Variants in ASPRV1 observed in about 807,000 individuals in gnomAD.
ASPRV1 encodes aspartic peptidase retroviral like 1.
ASPRV1 carries 7 observed loss-of-function variants against 11.0 expected under a neutral mutation model. That is an observed-to-expected ratio of 0.64 (90% CI 0.36 to 1.20). The LOEUF (loss-of-function observed/expected upper bound fraction) is 1.20. Among genes scored for constraint, ASPRV1 ranks in the 50% most tolerant of loss-of-function variants. The pLI is 0.02. For missense variants in ASPRV1, 299 were observed against 320.0 expected, an observed-to-expected ratio of 0.93 and a Z score of 0.50; for synonymous variants, 136 against 138.4, an observed-to-expected ratio of 0.98 and a Z score of 0.12.
the ASPRV1 span, among the ~76,000 whole-genome samples, chr2:70,055,461 A>G: frequency 6.6e-6 from 1 of 152,196 alleles, no homozygotes; most frequent in Non-Finnish European, 1.5e-5. Flanking sequence ...CATAAAAAGC[A>G]ATGAGATCAT....
At chr2:70,074,153 A>C in the ASPRV1 span, among the ~76,000 whole-genome samples, 2 of 150,228 alleles carry the variant, frequency 1.3e-5, no homozygotes, top group Non-Finnish European at 3.0e-5. Flanking sequence ...AAAAAAAAAA[A>C]AAAAAAACAG....
the ASPRV1 span, among the ~76,000 whole-genome samples, chr2:69,952,505 G>C: frequency 7.8e-6 from 1 of 127,776 alleles, no homozygotes; most frequent in African/African-American, 3.0e-5. Flanking sequence ...GATCCTGTAA[G>C]AAAAGAAAAA....
the ASPRV1 span, among the ~76,000 whole-genome samples, chr2:69,981,675 G>GCCT: frequency 1.3e-5 from 2 of 152,298 alleles, no homozygotes; most frequent in South Asian, 2.1e-4. Context: ...TCCTGCCTCA[G>GCCT]CCTCCTGGGT....
the ASPRV1 span, among the ~76,000 whole-genome samples, chr2:69,966,772 A>G: frequency 1.3e-5 from 2 of 152,342 alleles, no homozygotes; most frequent in Admixed American, 1.3e-4. Flanking sequence ...GATAACTAGT[A>G]TTGTGAGCAA....
chr2:70,000,867 T>C, the ASPRV1 span, among the ~76,000 whole-genome samples: 1 of 136,898 alleles, frequency 7.3e-6, no homozygotes, highest in South Asian at 2.5e-4. Flanking sequence ...AGATAATTCA[T>C]CAGAAAGAAT....
the ASPRV1 span, chr2:70,086,439 C>T: frequency 2.0e-5 from 3 of 152,276 alleles, no homozygotes; most frequent in Admixed American, 6.5e-5. Flanking sequence ...ACTCATAGGC[C>T]AGCGTCTTGA....
the ASPRV1 span, among the ~76,000 whole-genome samples, chr2:70,025,328 CAGG>C: frequency 1.6e-4 from 25 of 152,048 alleles, no homozygotes; most frequent in Non-Finnish European, 3.4e-4. Flanking sequence ...GAGGCTGAGG[CAGG>C]AGAACCACTT....
the ASPRV1 span, among the ~76,000 whole-genome samples, chr2:70,029,435 T>C: frequency 6.6e-6 from 1 of 151,924 alleles, no homozygotes; most frequent in Non-Finnish European, 1.5e-5. Flanking sequence ...GCTCAGGAGA[T>C]TGAGACCATT....
the ASPRV1 span, among the ~76,000 whole-genome samples, chr2:70,001,398 G>A: frequency 1.3e-5 from 2 of 152,120 alleles, no homozygotes; most frequent in East Asian, 1.9e-4. Flanking sequence ...ATGTGGTGGT[G>A]CATGCCTGTA....
chr2:70,056,747 T>C, the ASPRV1 span: 1 of 152,096 alleles, frequency 6.6e-6, no homozygotes, highest in Non-Finnish European at 1.5e-5. Context: ...TTGTTTTGTT[T>C]AGACAGAGTC....
the ASPRV1 span, among the ~76,000 whole-genome samples, chr2:70,064,944 C>T: frequency 1.3e-5 from 2 of 151,662 alleles, no homozygotes; most frequent in Admixed American, 1.3e-4. Flanking sequence ...AAATACAAAA[C>T]TTAAGCCAGG....
chr2:70,023,174 G>C, the ASPRV1 span, among the ~76,000 whole-genome samples: 2 of 152,172 alleles, frequency 1.3e-5, no homozygotes, highest in African/African-American at 4.8e-5. Context: ...TGGTTTCACC[G>C]ACAACCCCTC....
the ASPRV1 span, among the ~76,000 whole-genome samples, chr2:69,947,025 A>G: frequency 1.3e-5 from 2 of 152,220 alleles, no homozygotes; most frequent in East Asian, 3.8e-4. Context: ...CAGTTCCCGC[A>G]TTCACACGTA....
the ASPRV1 span, among the ~76,000 whole-genome samples, chr2:69,943,849 T>C: frequency 6.6e-6 from 1 of 152,186 alleles, no homozygotes; most frequent in Non-Finnish European, 1.5e-5. Context: ...AGAGCACTTT[T>C]TCGGAGTCAA....
the ASPRV1 span, among the ~76,000 whole-genome samples, chr2:69,992,257 C>T: frequency 6.6e-6 from 1 of 152,078 alleles, no homozygotes; most frequent in Non-Finnish European, 1.5e-5. Flanking sequence ...TTCGCCTAGC[C>T]GAGGGGAGTC....
chr2:69,964,053 CT>C (rs775007839), upstream of ASPRV1, among the ~76,000 whole-genome samples: 1 of 152,176 alleles, frequency 6.6e-6, no homozygotes, highest in African/African-American at 2.4e-5. Flanking sequence ...TAAATCAAGA[CT>C]TTTTCCCCCT....
chr2:69,988,646 A>C, the ASPRV1 span: 1 of 397,654 alleles, frequency 2.5e-6, no homozygotes, highest in African/African-American at 2.1e-5. Context: ...AATGTCACTG[A>C]ATTGTACACT....
chr2:70,039,682 G>A, the ASPRV1 span, among the ~76,000 whole-genome samples: 1 of 152,102 alleles, frequency 6.6e-6, no homozygotes, highest in African/African-American at 2.4e-5. Context: ...AGGTCTTCTG[G>A]CCCCTACTGC....
the ASPRV1 span, chr2:70,018,875 A>C: frequency 3.9e-5 from 6 of 152,228 alleles, no homozygotes; most frequent in Non-Finnish European, 8.8e-5. Context: ...AAAATTTTGG[A>C]TATGACTCCA....
Sources: allele counts gnomAD v4.1 joint callset (sites outside exome capture counted in the v4.1 genomes callset), GRCh38; gene constraint gnomAD v4.1.1; transcripts MANE v1.5; gene names NCBI Gene and HGNC (gene_info 2026-07-23, HGNC 2026-07-21).